The following MTRF1 variants were observed in gnomAD, a reference collection of about 807,000 sequenced individuals.
MTRF1 encodes mitochondrial translation release factor 1, also known as peptide chain release factor 1, mitochondrial.
In MTRF1, 51 loss-of-function variants were observed where a neutral mutation model predicts 62.9. The observed-to-expected ratio is 0.81, with a 90% CI of 0.65 to 1.02. The LOEUF (loss-of-function observed/expected upper bound fraction) is 1.02, where lower values mean the gene tolerates loss of function less well. Among genes scored for constraint, MTRF1 ranks in the 50% least tolerant of loss-of-function variants. The pLI is 0.00. For missense variants in MTRF1, 446 were observed against 530.0 expected, an observed-to-expected ratio of 0.84 and a Z score of 1.56; for synonymous variants, 158 against 181.9, an observed-to-expected ratio of 0.87 and a Z score of 1.06.
chr13:41,308,446 G>A, the MTRF1 span, among the ~76,000 whole-genome samples: 1 of 152,220 alleles, frequency 6.6e-6, no homozygotes, highest in Admixed American at 6.5e-5. Context: ...AAATGACAAT[G>A]TAGATAAATT....
the MTRF1 span, among the ~76,000 whole-genome samples, chr13:41,310,959 TTTTA>T: frequency 2.6e-5 from 4 of 152,120 alleles, no homozygotes; most frequent in Non-Finnish European, 5.9e-5. Context: ...AAATTCTCGT[TTTTA>T]TTTATTACTT....
upstream of MTRF1, among the ~76,000 whole-genome samples, chr13:41,265,497 T>G (rs2040821523): frequency 6.6e-6 from 1 of 152,148 alleles, no homozygotes; most frequent in Non-Finnish European, 1.5e-5. Context: ...TTACTAATAT[T>G]TATTTTTAAA....
chr13:41,278,075 G>A, the MTRF1 span, among the ~76,000 whole-genome samples: 1 of 152,222 alleles, frequency 6.6e-6, no homozygotes, highest in Non-Finnish European at 1.5e-5. Context: ...TTATATTGGT[G>A]AATATCTGCC....
intron 3 of MTRF1, among the ~76,000 whole-genome samples, chr13:41,253,535 G>T (rs1176924682): frequency 3.3e-5 from 5 of 152,196 alleles, no homozygotes; most frequent in Admixed American, 2.6e-4. Flanking sequence ...GGCTCAAAAT[G>T]AGTTTCTCAG....
At chr13:41,291,880 C>G in the MTRF1 span, among the ~76,000 whole-genome samples, 1 of 152,066 alleles carries the variant, frequency 6.6e-6, no homozygotes, top group Non-Finnish European at 1.5e-5. Context: ...AAAATATATT[C>G]AGCTGCCCCC....
rs1566185140 is a variant in MTRF1, at chr13:41,260,792, A to C, written c.116T>G (p.Leu39Arg). 6.2e-7 allele frequency: 1 copy of C among 1,614,206 alleles called. No homozygotes were observed. The highest frequency in any genetic ancestry group is 2.2e-5 in the East Asian group (1 of 44,890). Residue 39 changes from leucine (L) to arginine (R), a missense_variant, in exon 2 of 10, where the codon CTG (leucine) becomes CGG (arginine). By Grantham distance (102) the Leu-to-Arg change is moderately radical (BLOSUM62 -2). Coordinates refer to ENST00000379480, the MANE Select transcript of MTRF1 (RefSeq NM_004294.4). ...QFRQIHLDTR[L>R]QVFRQNRNCI... is the part of the protein sequence containing the mutation. ...ATTCCTGTTTTGTCTAAAAACTTGCAGCCTTGTATCAAGATGTATCTGTCT... is the reference window on the plus strand; with the variant it reads ...ATTCCTGTTTTGTCTAAAAACTTGCCGCCTTGTATCAAGATGTATCTGTCT...
Position 41,260,711 on chromosome 13 carries a change from G to A in MTRF1, c.197C>T (p.Thr66Ile). ...TGCTTTATGCTTCCAGAGCATCTTG[G>A]TGTCTTGATGGCAATATCTCCTGGA... ...NWSRRYCHQDTKMLWKHKALQ... is the reference protein window; with the variant it reads ...NWSRRYCHQDIKMLWKHKALQ... The change falls in exon 2 of 10, where the codon ACC becomes ATC. Residue 66 changes from threonine to isoleucine, a missense_variant. By Grantham distance (89) the Thr-to-Ile change is moderately conservative (BLOSUM62 -1). Transcript: ENST00000379480. The A allele has an allele frequency of 1.2e-6, 2 of 1,614,088 alleles. No individual in the cohort carries two copies. The highest frequency in any genetic ancestry group is 1.1e-5 in the South Asian group (1 of 91,068).
At chr13:41,296,924 T>C in the MTRF1 span, among the ~76,000 whole-genome samples, 2 of 152,344 alleles carry the variant, frequency 1.3e-5, no homozygotes, top group East Asian at 3.9e-4. Flanking sequence ...TCTAAGTTTT[T>C]ATCATCCACA....
At chr13:41,274,856 AC>A in the MTRF1 span, among the ~76,000 whole-genome samples, 1 of 150,820 alleles carries the variant, frequency 6.6e-6, no homozygotes, top group African/African-American at 2.4e-5. Flanking sequence ...CAAGTGATTC[AC>A]CCCCCTTGGC....
chr13:41,265,944 G>A (rs1403282186), upstream of MTRF1, among the ~76,000 whole-genome samples: 3 of 152,078 alleles, frequency 2.0e-5, no homozygotes, highest in Non-Finnish European at 4.4e-5. Flanking sequence ...CTGTCTCCCG[G>A]ATTCAAGCAA....
At chr13:41,302,183 CCAT>C in the MTRF1 span, among the ~76,000 whole-genome samples, 163 of 152,172 alleles carry the variant, frequency 1.1e-3, 1 homozygote, top group African/African-American at 3.8e-3. Flanking sequence ...CCCACCACCA[CCAT>C]GTCTGGCTAA....
chr13:41,298,767 T>C, the MTRF1 span, among the ~76,000 whole-genome samples: 2 of 152,240 alleles, frequency 1.3e-5, no homozygotes, highest in Admixed American at 6.5e-5. Flanking sequence ...CCATGGTTGA[T>C]ATATCAAGTC....
chr13:41,309,732 C>T, the MTRF1 span, among the ~76,000 whole-genome samples: 1 of 152,194 alleles, frequency 6.6e-6, no homozygotes, highest in African/African-American at 2.4e-5. Flanking sequence ...CACTGTGGCT[C>T]ACACCTGTAA....
the MTRF1 span, among the ~76,000 whole-genome samples, chr13:41,298,910 A>C: frequency 6.6e-6 from 1 of 152,032 alleles, no homozygotes; most frequent in Non-Finnish European, 1.5e-5. Context: ...CCAGGTGAGG[A>C]GGCTCACACC....
the MTRF1 span, among the ~76,000 whole-genome samples, chr13:41,285,902 A>T: frequency 6.6e-6 from 1 of 151,952 alleles, no homozygotes; most frequent in Non-Finnish European, 1.5e-5. Flanking sequence ...CGTCTCTACT[A>T]AAAATACAAA....
intron 5 of MTRF1, among the ~76,000 whole-genome samples, chr13:41,243,352 CT>C (rs1351972598): frequency 7.0e-6 from 1 of 142,148 alleles, no homozygotes; most frequent in Non-Finnish European, 1.5e-5. Flanking sequence ...CTGCAGCGAG[CT>C]GTGATGGTGC....
chr13:41,266,381 G>A (rs1001076777), upstream of MTRF1, among the ~76,000 whole-genome samples: 10 of 151,860 alleles, frequency 6.6e-5, no homozygotes, highest in African/African-American at 2.4e-4. Context: ...GGAGGCCAAG[G>A]CGGGTGGATC....
intron 7 of MTRF1, among the ~76,000 whole-genome samples, chr13:41,232,787 C>G (rs1254145526): frequency 1.3e-5 from 2 of 152,196 alleles, no homozygotes; most frequent in Non-Finnish European, 2.9e-5. Flanking sequence ...TCCTGGGGAG[C>G]AGCTGGTCCA....
chr13:41,217,197 T>C lies in MTRF1; in HGVS notation c.1256A>G (p.Gln419Arg). 6.2e-7 allele frequency: 1 copy of C among 1,609,620 alleles called. No homozygotes were observed. The highest frequency in any genetic ancestry group is 8.5e-7 in the Non-Finnish European group (1 of 1,177,430). Residue 419 changes from glutamine (Q) to arginine (R), a missense_variant, in exon 10 of 10, where the codon CAG becomes CGG. Transcript: ENST00000379480. Reference protein sequence around the residue: ...EFLCGGKGLDQLIQRLLQSAD... With the variant: ...EFLCGGKGLDRLIQRLLQSAD... The stretch of plus-strand genomic sequence containing the variant: ...TGATTGAAGCAGTCTCTGAATTAGC[T>C]GATCCAGGCCCTTCCCACCACATAA...
Sources: gnomAD v4.1 joint callset for allele counts (sites outside exome capture counted in the v4.1 genomes callset) on GRCh38, gnomAD v4.1.1 for gene constraint, MANE v1.5 for transcripts, NCBI Gene and HGNC (gene_info 2026-07-23, HGNC 2026-07-21) for gene names.